Variants in PPP1CB observed in about 807,000 individuals in gnomAD.
PPP1CB encodes protein phosphatase 1 catalytic subunit beta.
A neutral mutation model predicts 43.7 loss-of-function variants in PPP1CB; 2 were observed. The ratio of observed to expected loss-of-function variants is 0.05; its 90% CI spans 0.02 to 0.14. The LOEUF (loss-of-function observed/expected upper bound fraction) is 0.14. Among genes scored for constraint, PPP1CB ranks in the 10% least tolerant of loss-of-function variants. The pLI is 1.00. For missense variants in PPP1CB, 84 were observed against 398.0 expected (o/e 0.21, Z 6.71); for synonymous variants, 136 against 135.6 (o/e 1.00, Z -0.02).
At chr2:28,760,152 T>C (rs533225717) in intron 1 of PPP1CB, among the ~76,000 whole-genome samples, 2 of 152,276 alleles carry the variant, frequency 1.3e-5, no homozygotes, top group African/African-American at 4.8e-5. Flanking sequence ...TAACAAAAGT[T>C]TAAAAAGTGA....
chr2:28,751,643 C>G (rs1666264854), upstream of PPP1CB: 2 of 177,690 alleles, frequency 1.1e-5, no homozygotes, highest in Non-Finnish European at 1.2e-5. Context: ...GGCGACGCAC[C>G]TGCGCGAAGA....
intron 7 of PPP1CB, among the ~76,000 whole-genome samples, chr2:28,794,280 G>T (rs1403544473): frequency 6.6e-6 from 1 of 152,128 alleles, no homozygotes; most frequent in Non-Finnish European, 1.5e-5. Context: ...TTTGAATAGT[G>T]GCTTACTAAA....
chr2:28,800,606 G>C lies in PPP1CB; in HGVS notation c.*1303G>C, dbSNP rs1443137147. On this transcript the variant is annotated 3_prime_UTR_variant, in exon 8 of 8. Transcript: ENST00000395366. ...TCTTTTCCTATTTCTTTTTTTTAAG[G>C]GTTAGTATTAACAAATGGCAATGAG... The C allele has an allele frequency of 6.6e-6, 1 of 151,954 alleles. No homozygotes were observed. Among genetic ancestry groups the C allele is most frequent in the African/African-American group, 2.4e-5 (1 of 41,268 alleles). The allele number at this position is 151,954 out of a possible 1,614,324, so 9.4% of individuals were successfully genotyped here.
Position 28,799,948 on chromosome 2 carries a change from TTGAC to T in PPP1CB, c.*648_*651del, listed in dbSNP as rs999851930. ...AATCCAGTGATTTTAATCATACAGT[TTGAC>T]TGGGCAAACTTTACAGCTGATAGTG... On this transcript the variant is annotated 3_prime_UTR_variant, in exon 8 of 8. Transcript: ENST00000395366. The T allele has an allele frequency of 6.6e-5, 10 of 152,494 alleles. No individual in the cohort carries two copies. The highest frequency in any genetic ancestry group is 2.1e-4 in the South Asian group (1 of 4,830). The allele number at this position is 152,494 out of a possible 1,614,324, so 9.4% of individuals were successfully genotyped here. A position where few individuals can be genotyped will look rare whatever the true frequency, so the allele number is the denominator to read the frequency against.
chr2:28,782,225 C>T (rs1332215972), intron 4 of PPP1CB, among the ~76,000 whole-genome samples: 2 of 151,962 alleles, frequency 1.3e-5, no homozygotes, highest in African/African-American at 4.8e-5. Flanking sequence ...ATCAAGAATT[C>T]TAGGCTTCAT....
chr2:28,752,590 C>T (rs1447493494), intron 1 of PPP1CB, among the ~76,000 whole-genome samples: 3 of 152,210 alleles, frequency 2.0e-5, no homozygotes, highest in Admixed American at 6.5e-5. Context: ...TCTCTGTTCT[C>T]TTTGTGCATT....
rs114416475 is a variant in PPP1CB, at chr2:28,753,155, A to G, written c.52+979A>G. ...CCTCTACCCTAAAGTTTTCGTCATCAATAATTGTTTTGTGAGTGTGTAGAA... is the reference window on the plus strand; with the variant it reads ...CCTCTACCCTAAAGTTTTCGTCATCGATAATTGTTTTGTGAGTGTGTAGAA... On this transcript the variant is annotated intron_variant, in intron 1 of 7. Coordinates refer to ENST00000395366, the MANE Select transcript of PPP1CB (RefSeq NM_002709.3). Among the ~76,000 whole-genome samples the G allele has an allele frequency of 3.1e-3, 474 of 152,360 alleles. 1 individual carries two copies. The highest frequency in any genetic ancestry group is 0.011 in the African/African-American group (456 of 41,580).
intron 1 of PPP1CB, among the ~76,000 whole-genome samples, chr2:28,762,662 T>C (rs894096359): frequency 6.6e-6 from 1 of 152,240 alleles, no homozygotes; most frequent in African/African-American, 2.4e-5. Flanking sequence ...TCCATGAATT[T>C]TTATGTTCTC....
At chr2:28,763,832 G>C (rs1286722386) in intron 1 of PPP1CB, among the ~76,000 whole-genome samples, 1 of 152,088 alleles carries the variant, frequency 6.6e-6, no homozygotes, top group Non-Finnish European at 1.5e-5. Context: ...AGCCTCCCGA[G>C]TAATCTGGGA....
intron 1 of PPP1CB, among the ~76,000 whole-genome samples, chr2:28,759,957 G>A (rs1027182948): frequency 1.7e-5 from 2 of 117,264 alleles, no homozygotes; most frequent in African/African-American, 3.4e-5. Context: ...AGTTAAAACC[G>A]ACTCAGGCAT....
intron 3 of PPP1CB, 150 bp from the exon 4 acceptor site, chr2:28,781,588 T>A: frequency 1.7e-6 from 1 of 597,664 alleles, no homozygotes. Flanking sequence ...AGTACGTAAA[T>A]AACATCTTTG....
chr2:28,756,621 C>G (rs1002216543), intron 1 of PPP1CB, among the ~76,000 whole-genome samples: 2 of 152,110 alleles, frequency 1.3e-5, no homozygotes, highest in Admixed American at 1.3e-4. Context: ...GTGGATGGGA[C>G]CACAGGCACA....
intron 1 of PPP1CB, among the ~76,000 whole-genome samples, chr2:28,770,032 G>A (rs1666869776): frequency 1.3e-5 from 2 of 152,252 alleles, no homozygotes; most frequent in South Asian, 4.2e-4. Context: ...ACTTTGGGAG[G>A]CCAAGGCGGA....
At chr2:28,771,156 C>T (rs543141926) in intron 1 of PPP1CB, among the ~76,000 whole-genome samples, 236 of 149,154 alleles carry the variant, frequency 1.6e-3, no homozygotes, top group Non-Finnish European at 2.0e-3. Context: ...TGGGTTCAAG[C>T]GATTCTCCTG....
chr2:28,769,933 G>A lies in PPP1CB; in HGVS notation c.53-6918G>A, dbSNP rs1666867235. 3.3e-5 allele frequency among the ~76,000 whole-genome samples: 5 copies of A among 152,290 alleles called. No homozygotes were observed. The South Asian group carries it at 1.0e-3, about 32-fold the overall frequency. ...AAACAGAACAGATGACAGAATGGTAGACTTAAACTCAACTTCGTCGATGAT... is the reference window on the plus strand; with the variant it reads ...AAACAGAACAGATGACAGAATGGTAAACTTAAACTCAACTTCGTCGATGAT... On this transcript the variant is annotated intron_variant, in intron 1 of 7. Coordinates refer to ENST00000395366, the MANE Select transcript of PPP1CB (RefSeq NM_002709.3).
At chr2:28,781,576 A>C (rs1256215697) in intron 3 of PPP1CB, among the ~76,000 whole-genome samples, 162 bp from the exon 4 acceptor site, 1 of 152,138 alleles carries the variant, frequency 6.6e-6, no homozygotes, top group Non-Finnish European at 1.5e-5. Flanking sequence ...TGCCTTTTTG[A>C]AAGTACGTAA....
chr2:28,782,163 A>G (rs1485230930), intron 4 of PPP1CB, among the ~76,000 whole-genome samples: 2 of 152,148 alleles, frequency 1.3e-5, no homozygotes, highest in African/African-American at 4.8e-5. Context: ...TCCTGCCTAT[A>G]TTGAAATCTT....
intron 5 of PPP1CB, among the ~76,000 whole-genome samples, chr2:28,784,931 A>G (rs1465060521): frequency 1.7e-5 from 2 of 119,292 alleles, no homozygotes; most frequent in African/African-American, 2.7e-5. Context: ...AAAAAAAAAA[A>G]AAAGAAAAAA....
At chr2:28,792,976 C>T (rs895639466) in intron 6 of PPP1CB, among the ~76,000 whole-genome samples, 10 of 152,204 alleles carry the variant, frequency 6.6e-5, no homozygotes, top group African/African-American at 1.4e-4. Context: ...GAGGCCGAGG[C>T]GGGCAGATGA....
Sources: gnomAD v4.1 joint callset for allele counts (sites outside exome capture counted in the v4.1 genomes callset) on GRCh38, gnomAD v4.1.1 for gene constraint, MANE v1.5 for transcripts, NCBI Gene and HGNC (gene_info 2026-07-23, HGNC 2026-07-21) for gene names.